Variants in AGFG2 observed in about 807,000 individuals in gnomAD.
The protein encoded by AGFG2 is ArfGAP with FG repeats 2, also known as arf-GAP domain and FG repeat-containing protein 2.
Under a neutral mutation model 48.0 loss-of-function variants are expected in AGFG2, and 31 were observed. The observed-to-expected ratio is 0.65, with a 90% CI of 0.49 to 0.87. The LOEUF is 0.87. Among genes scored for constraint, AGFG2 ranks in the 40% least tolerant of loss-of-function variants. AGFG2 has a pLI of 0.00. For missense variants in AGFG2, 599 were observed against 632.6 expected, an observed-to-expected ratio of 0.95 and a Z score of 0.57; for synonymous variants, 229 against 260.8, an observed-to-expected ratio of 0.88 and a Z score of 1.18.
At position 100,565,106 on chromosome 7, in the gene AGFG2, T is replaced by C. The variant is rs1315933591; in HGVS notation, c.*115T>C. On this transcript the variant is annotated 3_prime_UTR_variant, in exon 12 of 12. Transcript: ENST00000300176. ...TGGGCCTTGGGGATGGTGGAGGTGCTAATGCTTTGCTTGGGGCCTACAGGT... is the reference window on the plus strand; with the variant it reads ...TGGGCCTTGGGGATGGTGGAGGTGCCAATGCTTTGCTTGGGGCCTACAGGT... 2 of 1,235,926 alleles carry C rather than the reference T, an allele frequency of 1.6e-6. No homozygotes were observed. Among genetic ancestry groups the C allele is most frequent in the African/African-American group, 1.5e-5 (1 of 66,764 alleles). 76.6% of individuals were successfully genotyped at this position (1,235,926 alleles called of 1,614,324 possible).
chr7:100,564,521 CTTTTT>C (rs1246687723), intron 11 of AGFG2, among the ~76,000 whole-genome samples: 1 of 140,842 alleles, frequency 7.1e-6, no homozygotes, highest in Non-Finnish European at 1.6e-5. Context: ...CCTCACTTTC[CTTTTT>C]TTTTTTTTTT....
intron 6 of AGFG2, among the ~76,000 whole-genome samples, chr7:100,558,527 T>G (rs1166329619): frequency 2.0e-5 from 3 of 151,536 alleles, no homozygotes; most frequent in East Asian, 3.9e-4. Flanking sequence ...AGACAGAGTT[T>G]TTTTTGTTTT....
intron 6 of AGFG2, among the ~76,000 whole-genome samples, chr7:100,560,846 C>T (rs1284012334): frequency 3.1e-5 from 4 of 130,298 alleles, no homozygotes; most frequent in Non-Finnish European, 4.7e-5. Context: ...GAGTCTCACT[C>T]TGTCGCCCAG....
chr7:100,563,451 C>G (rs558957664), intron 9 of AGFG2, among the ~76,000 whole-genome samples: 4 of 152,212 alleles, frequency 2.6e-5, no homozygotes, highest in Non-Finnish European at 5.9e-5. Context: ...GTGGTGGGCC[C>G]AGTGCTGAGG....
intron 3 of AGFG2, among the ~76,000 whole-genome samples, chr7:100,552,587 G>A (rs1402973154): frequency 6.6e-6 from 1 of 152,206 alleles, no homozygotes; most frequent in Non-Finnish European, 1.5e-5. Context: ...TACATGTTGG[G>A]AGGTAACTGT....
chr7:100,547,074 C>T (rs1297222705), intron 1 of AGFG2, among the ~76,000 whole-genome samples: 2 of 152,118 alleles, frequency 1.3e-5, no homozygotes, highest in African/African-American at 4.8e-5. Flanking sequence ...AGTGTCCTGT[C>T]CTTTGTTAAA....
At position 100,565,260 on chromosome 7, in the gene AGFG2, A is replaced by AT. The variant is rs1362991073; in HGVS notation, c.*276dup. 3.7e-5 allele frequency: 20 copies of AT among 546,158 alleles called. No homozygotes were observed. Among genetic ancestry groups the AT allele is most frequent in the Admixed American group, 6.3e-5 (2 of 31,760 alleles). The allele number at this position is 546,158 out of a possible 1,614,324, so 33.8% of individuals were successfully genotyped here. ...GAGGAGTGATGGTTGAGGGGGAGGG[A>AT]TTTTTTTCAAATGATCAGTCCCCTG... On this transcript the variant is annotated 3_prime_UTR_variant, in exon 12 of 12. Coordinates refer to ENST00000300176, the MANE Select transcript of AGFG2 (RefSeq NM_006076.5).
chr7:100,559,125 TC>T (rs1005041821), intron 6 of AGFG2, among the ~76,000 whole-genome samples: 33 of 152,106 alleles, frequency 2.2e-4, no homozygotes, highest in African/African-American at 8.0e-4. Context: ...CAAGACTCTG[TC>T]TCAAACAAAA....
Position 100,539,237 on chromosome 7 carries a change from C to G in AGFG2, c.-110C>G. 1 of 1,137,992 alleles carries G rather than the reference C, an allele frequency of 8.8e-7. No homozygotes were observed. Among genetic ancestry groups the G allele is most frequent in the Non-Finnish European group, 1.1e-6 (1 of 890,562 alleles). 70.5% of individuals were successfully genotyped at this position (1,137,992 alleles called of 1,614,324 possible). On this transcript the variant is annotated 5_prime_UTR_variant, in exon 1 of 12. Coordinates refer to ENST00000300176, the MANE Select transcript of AGFG2 (RefSeq NM_006076.5). ...CGAAGTCTCCTGCGGATGCCGCCCG[C>G]TCCCGAGCTTCTGTCAGGGGAGCCG...
intron 3 of AGFG2, among the ~76,000 whole-genome samples, chr7:100,552,254 AT>A (rs1204022179): frequency 3.9e-5 from 6 of 152,198 alleles, no homozygotes; most frequent in Non-Finnish European, 4.4e-5. Flanking sequence ...CAAAAAAAAA[AT>A]AATAATACAA....
At position 100,553,607 on chromosome 7, in the gene AGFG2, G is replaced by A. The variant is rs935081835; in HGVS notation, c.585+107G>A. The A allele has an allele frequency of 5.2e-6, 7 of 1,342,490 alleles. No individual in the cohort carries two copies. The African/African-American group carries it at 1.0e-4, about 20-fold the overall frequency. The allele number at this position is 1,342,490 out of a possible 1,614,324, so 83.2% of individuals were successfully genotyped here. On this transcript the variant is annotated intron_variant, in intron 4 of 11. Coordinates refer to ENST00000300176, the MANE Select transcript of AGFG2 (RefSeq NM_006076.5). Reference sequence around the variant, plus strand: ...CTTAGCAGACAACAGTGCAGGAGCTGTGAGTTGGGTCTCGGCTCTGCTGTT... The same window carrying A: ...CTTAGCAGACAACAGTGCAGGAGCTATGAGTTGGGTCTCGGCTCTGCTGTT...
At chr7:100,550,305 CAAAAAAAAAAAAA>C (rs61255061) in intron 2 of AGFG2, 78 bp from the exon 3 acceptor site, 32 of 297,552 alleles carry the variant, frequency 1.1e-4, no homozygotes, top group African/African-American at 2.1e-4. Context: ...GACTCCGTCT[CAAAAAAAAAAAAA>C]AAAAAAAAAA....
In AGFG2 at chr7:100,562,865, T is replaced by C. The variant is rs541816920; in HGVS notation, c.1090T>C (p.Phe364Leu). The C allele has an allele frequency of 1.9e-6, 3 of 1,614,026 alleles. No individual in the cohort carries two copies. In the East Asian group the frequency reaches 6.7e-5, roughly 36 times the overall value. ...GSSTGLAFGA[F>L]TNPFTAPAAQ... ...CGCTCCCCATTCCACCTGGGCAGCC[T>C]TCACTAACCCTTTCACAGCTCCCGC... Residue 364 changes from phenylalanine to leucine, a missense_variant and splice_region_variant, in exon 9 of 12, where the codon TTC becomes CTC. Transcript: ENST00000300176. This position sits in a 1 kb window ranked among gnomAD's most constrained non-coding sequence, Gnocchi z 5.4.
chr7:100,558,768 C>T (rs1800809341), intron 6 of AGFG2, among the ~76,000 whole-genome samples: 1 of 152,002 alleles, frequency 6.6e-6, no homozygotes, highest in South Asian at 2.1e-4. Flanking sequence ...GGGGCAGACT[C>T]AGAGAGAAGG....
At chr7:100,553,582 C>T in intron 4 of AGFG2, 82 bp downstream of exon 4, 3 of 1,495,914 alleles carry the variant, frequency 2.0e-6, no homozygotes, top group East Asian at 2.3e-5. Context: ...ATTCCCCGGA[C>T]TTAGCAGACA....
In AGFG2 at chr7:100,548,908, G is replaced by C; in HGVS notation, c.308G>C (p.Gly103Ala). The change falls in exon 2 of 12, where the codon GGA (glycine) becomes GCA (alanine). Residue 103 changes from glycine to alanine, a missense_variant. Coordinates refer to ENST00000300176, the MANE Select transcript of AGFG2 (RefSeq NM_006076.5). ...GAAGTAGTATTCCTGCAATCCCGTG[G>C]AAATGAGGTGAGCTGCCACCGATGG... ...EPEVVFLQSR[G>A]NEVCRKIWLG... 4 of 1,613,298 alleles carry C rather than the reference G, an allele frequency of 2.5e-6. No individual in the cohort carries two copies. The highest frequency in any genetic ancestry group is 3.4e-6 in the Non-Finnish European group (4 of 1,179,400).
intron 11 of AGFG2, 150 bp from the exon 12 acceptor site, chr7:100,564,782 G>C (rs565626697): frequency 2.3e-6 from 2 of 863,970 alleles, no homozygotes; most frequent in East Asian, 2.5e-5. Flanking sequence ...GGGATTACAG[G>C]CATGAGCTAC....
chr7:100,552,135 A>G (rs1374940779), intron 3 of AGFG2, among the ~76,000 whole-genome samples: 1 of 151,130 alleles, frequency 6.6e-6, no homozygotes, highest in Non-Finnish European at 1.5e-5. Context: ...AATCCGAGCT[A>G]CTCAGGAGGC....
At chr7:100,550,835 T>C (rs145265724) in intron 3 of AGFG2, among the ~76,000 whole-genome samples, 7 of 150,818 alleles carry the variant, frequency 4.6e-5, no homozygotes, top group Non-Finnish European at 1.5e-5. Flanking sequence ...CATCCTATAG[T>C]TTTATTCCTT....
Sources: allele counts gnomAD v4.1 joint callset (sites outside exome capture counted in the v4.1 genomes callset), GRCh38; gene constraint gnomAD v4.1.1; non-coding constraint Gnocchi (gnomAD v3.1); transcripts MANE v1.5; gene names NCBI Gene and HGNC (gene_info 2026-07-23, HGNC 2026-07-21).